Variants in PCDHGA3 observed in about 807,000 individuals in gnomAD.
The protein encoded by PCDHGA3 is protocadherin gamma-A3.
A neutral mutation model predicts 58.5 loss-of-function variants in PCDHGA3; 40 were observed. The ratio of observed to expected loss-of-function variants is 0.68; its 90% CI spans 0.53 to 0.89. The LOEUF is 0.89. Ranked by LOEUF, PCDHGA3 falls within the 40% of genes least tolerant of loss-of-function variation. PCDHGA3 has a pLI of 0.00. For synonymous variants in PCDHGA3, 530 were observed against 525.7 expected (o/e 1.01, Z -0.11); for missense variants, 1,223 against 1,195.9 (o/e 1.02, Z -0.33).
At position 141,350,606 on chromosome 5, in the gene PCDHGA3, G is replaced by T. The variant is rs760936917; in HGVS notation, c.2424+4149G>T. ...TGAAAACCCAATGAATGTTTTCCAC[G>T]TGGTTGTTGTAATCCAAGATATTAA... On this transcript the variant is annotated intron_variant, in intron 1 of 3. Transcript: ENST00000253812. The T allele has an allele frequency of 3.1e-6, 5 of 1,614,048 alleles. No homozygotes were observed. In the Admixed American group the frequency reaches 6.7e-5, roughly 22 times the overall value.
chr5:141,392,862 T>C (rs1334405895), intron 1 of PCDHGA3: 2 of 1,612,696 alleles, frequency 1.2e-6, no homozygotes, highest in Non-Finnish European at 1.7e-6. Flanking sequence ...GATCCTGCTG[T>C]GCGCGCTGCT....
At position 141,389,190 on chromosome 5, in the gene PCDHGA3, A is replaced by G; in HGVS notation, c.2424+42733A>G. The G allele has an allele frequency of 6.2e-7, 1 of 1,614,034 alleles. No individual in the cohort carries two copies. The highest frequency in any genetic ancestry group is 8.5e-7 in the Non-Finnish European group (1 of 1,179,896). ...GCCTCCCCTCTCCTCCAGTTCCAGC[A>G]TCACCCTGCACATTGGTGATGTAAA... On this transcript the variant is annotated intron_variant, in intron 1 of 3. Coordinates refer to ENST00000253812, the MANE Select transcript of PCDHGA3 (RefSeq NM_018916.4).
rs116716465 is a variant in PCDHGA3, at chr5:141,484,286, C to T, written c.2425-10521C>T. ...GATTCTTTACTGTTTTGAAACATCTCCCTCTCCTGGCTTCCTCCACCCCGC... is the reference window on the plus strand; with the variant it reads ...GATTCTTTACTGTTTTGAAACATCTTCCTCTCCTGGCTTCCTCCACCCCGC... On this transcript the variant is annotated intron_variant, in intron 1 of 3. Coordinates refer to ENST00000253812, the MANE Select transcript of PCDHGA3 (RefSeq NM_018916.4). 8.3e-3 allele frequency among the ~76,000 whole-genome samples: 1,266 copies of T among 152,294 alleles called. 10 individuals carry two copies. The highest frequency in any genetic ancestry group is 0.014 in the Non-Finnish European group (936 of 68,022).
rs1393235114 is a variant in PCDHGA3, at chr5:141,476,581, G to T, written c.2425-18226G>T. ...CCGTGGCTCCGGGGACGCGCTTTCC[G>T]CTCGAGAGCGCGCACGATCCCGATG... On this transcript the variant is annotated intron_variant, in intron 1 of 3. Transcript: ENST00000253812. This position sits in a 1 kb window ranked among gnomAD's most constrained non-coding sequence, Gnocchi z 7.6. 8.7e-6 allele frequency: 14 copies of T among 1,614,112 alleles called. No homozygotes were observed. The Admixed American group carries it at 2.2e-4, about 25-fold the overall frequency.
rs755293492 is a variant in PCDHGA3 at position 141,394,003 on chromosome 5, C to A, written c.2424+47546C>A. On this transcript the variant is annotated intron_variant, in intron 1 of 3. Transcript: ENST00000253812. ...AATTTACCTTTTAAATTAGAAAAGT[C>A]AATAGGTAATTATTATAGATTAGTG... The A allele has an allele frequency of 1.9e-6, 3 of 1,613,310 alleles. No homozygotes were observed. The South Asian group carries it at 3.3e-5, about 18-fold the overall frequency.
intron 1 of PCDHGA3, among the ~76,000 whole-genome samples, chr5:141,439,024 T>C (rs1278127532): frequency 2.0e-5 from 3 of 151,510 alleles, no homozygotes; most frequent in African/African-American, 7.3e-5. Flanking sequence ...ATTTTGAAAA[T>C]AGATGCCTCA....
At chr5:141,390,409 A>C in intron 1 of PCDHGA3, 2 of 1,247,634 alleles carry the variant, frequency 1.6e-6, no homozygotes, top group East Asian at 2.4e-5. Context: ...GGAAAGTTGT[A>C]GTCAGTTAAA....
In PCDHGA3 at chr5:141,511,548, A is replaced by C; in HGVS notation, c.*375A>C. 3.3e-6 allele frequency: 1 copy of C among 306,952 alleles called. No homozygotes were observed. The highest frequency in any genetic ancestry group is 6.3e-6 in the Non-Finnish European group (1 of 158,248). 19.0% of individuals were successfully genotyped at this position (306,952 alleles called of 1,614,324 possible). ...CCTCCCTCCTCCCCACCCCACTCCA[A>C]CAGTTCCTCTTTCCCGAGTAAGGTG... is the stretch of plus-strand genomic sequence containing the variant. On this transcript the variant is annotated 3_prime_UTR_variant, in exon 4 of 4. Transcript: ENST00000253812.
chr5:141,441,838 C>A, intron 1 of PCDHGA3: 1 of 355,582 alleles, frequency 2.8e-6, no homozygotes, highest in Non-Finnish European at 5.5e-6. Context: ...TGGCTTCGCG[C>A]TCTTGGATAT....
intron 1 of PCDHGA3, chr5:141,350,979 GC>G: frequency 6.2e-7 from 1 of 1,614,068 alleles, no homozygotes; most frequent in Non-Finnish European, 8.5e-7. Context: ...CCCGTGTTTA[GC>G]CAGGAGGTAT....
intron 1 of PCDHGA3, chr5:141,361,317 G>T (rs1244166990): frequency 6.2e-7 from 1 of 1,613,944 alleles, no homozygotes. Flanking sequence ...AGTTTATTTT[G>T]AAATCTTCCT....
chr5:141,465,786 T>G (rs1236517595), intron 1 of PCDHGA3, among the ~76,000 whole-genome samples: 1 of 152,136 alleles, frequency 6.6e-6, no homozygotes, highest in Non-Finnish European at 1.5e-5. Flanking sequence ...ACAGTTTTTT[T>G]TTTTTTAAGA....
chr5:141,364,320 G>C (rs777179865), intron 1 of PCDHGA3: 7 of 1,526,276 alleles, frequency 4.6e-6, no homozygotes, highest in Non-Finnish European at 6.1e-6. Flanking sequence ...AAATTGGGCA[G>C]AGAGAAGGCA....
chr5:141,382,777 C>T (rs1778426057), intron 1 of PCDHGA3: 3 of 822,272 alleles, frequency 3.6e-6, no homozygotes, highest in South Asian at 2.0e-5. Flanking sequence ...CTGCACTAAA[C>T]TCAAGCCTCT....
intron 1 of PCDHGA3, chr5:141,384,922 C>G: frequency 6.2e-7 from 1 of 1,614,018 alleles, no homozygotes; most frequent in Non-Finnish European, 8.5e-7. Flanking sequence ...CTTGGCCGAC[C>G]TGGGCAGCCT....
chr5:141,474,369 G>C (rs1424130168), intron 1 of PCDHGA3, among the ~76,000 whole-genome samples: 1 of 152,184 alleles, frequency 6.6e-6, no homozygotes, highest in Non-Finnish European at 1.5e-5. Flanking sequence ...AGTAGGTCTA[G>C]AGGAGGGCAT....
intron 1 of PCDHGA3, among the ~76,000 whole-genome samples, chr5:141,373,691 T>G (rs1588722666): frequency 6.6e-6 from 1 of 152,234 alleles, no homozygotes; most frequent in Admixed American, 6.5e-5. Flanking sequence ...TCAGAGAACA[T>G]TTAAAATTAT....
chr5:141,401,171 G>A (rs1222326375), intron 1 of PCDHGA3, among the ~76,000 whole-genome samples: 1 of 152,054 alleles, frequency 6.6e-6, no homozygotes, highest in African/African-American at 2.4e-5. Context: ...GTGAAAACCC[G>A]TCTCTACTAA....
chr5:141,438,806 C>T (rs866521707), intron 1 of PCDHGA3, among the ~76,000 whole-genome samples: 20 of 149,390 alleles, frequency 1.3e-4, no homozygotes, highest in Admixed American at 6.7e-4. Flanking sequence ...GGATTACAGG[C>T]GCCTGTCACC....
Sources: gnomAD v4.1 joint callset for allele counts (sites outside exome capture counted in the v4.1 genomes callset) on GRCh38, gnomAD v4.1.1 for gene constraint, Gnocchi (gnomAD v3.1) non-coding constraint, MANE v1.5 for transcripts, NCBI Gene and HGNC (gene_info 2026-07-23, HGNC 2026-07-21) for gene names.